CFAP70: variants seen among roughly 807,000 people sequenced by gnomAD.
CFAP70 encodes cilia and flagella associated protein 70.
A neutral mutation model predicts 137.6 loss-of-function variants in CFAP70; 81 were observed. The observed-to-expected ratio is 0.59, with a 90% CI of 0.49 to 0.71. The LOEUF is 0.71. CFAP70 is among the 30% of genes least tolerant of loss of function. The pLI, the probability that CFAP70 is intolerant of heterozygous loss-of-function variation, is 0.00. For synonymous variants in CFAP70, 382 were observed against 423.6 expected (o/e 0.90, Z 1.20); for missense variants, 976 against 1,226.7 (o/e 0.80, Z 3.05).
chr10:73,355,405 C>T (rs1240685069), intron 1 of CFAP70, among the ~76,000 whole-genome samples: 1 of 152,204 alleles, frequency 6.6e-6, no homozygotes, highest in Non-Finnish European at 1.5e-5. Context: ...TCTCCCATCA[C>T]CCCCAGATAG....
intron 15 of CFAP70, chr10:73,294,936 C>A (rs1452588191): frequency 6.6e-6 from 1 of 152,230 alleles, no homozygotes; most frequent in East Asian, 1.9e-4. Flanking sequence ...ATCAATTATC[C>A]CCTCTCTTTC....
exon 6 of CFAP70, chr10:73,341,483 C>A (rs2053247970): frequency 2.5e-6 from 4 of 1,614,058 alleles, no homozygotes; most frequent in African/African-American, 1.3e-5. Context: ...CTCCTGGAGC[C>A]AGAATGTTGG....
intron 12 of CFAP70, among the ~76,000 whole-genome samples, chr10:73,303,938 A>C (rs1257749763): frequency 6.6e-6 from 1 of 152,186 alleles, no homozygotes; most frequent in East Asian, 1.9e-4. Context: ...TTTTTGTTGG[A>C]CAGCTCAGAT....
intron 3 of CFAP70, 130 bp from the exon 4 acceptor site, chr10:73,348,651 C>T (rs2053932513): frequency 1.6e-6 from 1 of 608,340 alleles, no homozygotes; most frequent in African/African-American, 1.8e-5. Context: ...CAGAAGGCAC[C>T]AACATCACTG....
chr10:73,327,070 T>C (rs1332957079), intron 8 of CFAP70, among the ~76,000 whole-genome samples: 5 of 150,640 alleles, frequency 3.3e-5, no homozygotes, highest in African/African-American at 1.2e-4. Flanking sequence ...TTGATGAACA[T>C]TGATGCAAAA....
intron 25 of CFAP70, among the ~76,000 whole-genome samples, chr10:73,257,321 A>G (rs1044634977): frequency 1.2e-4 from 18 of 152,322 alleles, no homozygotes; most frequent in African/African-American, 3.4e-4. Flanking sequence ...AGGTATCAGA[A>G]TTACTTCTAT....
At chr10:73,279,999 T>G (rs928349503) in intron 19 of CFAP70, among the ~76,000 whole-genome samples, 2 of 152,218 alleles carry the variant, frequency 1.3e-5, no homozygotes, top group African/African-American at 4.8e-5. Context: ...CAGGAATGTT[T>G]GAGAGTTCCA....
rs1282368197 is a variant in CFAP70, at chr10:73,264,074, TTC to T, written c.3027+5538_3027+5539del. 3.9e-5 allele frequency among the ~76,000 whole-genome samples: 6 copies of T among 152,286 alleles called. No individual in the cohort carries two copies. In the South Asian group the frequency reaches 1.2e-3, roughly 32 times the overall value. ...GCAGGTGTCCCCACTTCAAGCTAGT[TTC>T]TGTTTGTTTTATTTTTTCCCTATGC... On this transcript the variant is annotated intron_variant, in intron 25 of 26. Transcript: ENST00000310715.
chr10:73,312,021 T>C lies in CFAP70; in HGVS notation c.1084-107A>G, dbSNP rs1589440020. 1.1e-5 allele frequency: 9 copies of C among 830,594 alleles called. No homozygotes were observed. In the East Asian group the frequency reaches 2.2e-4, roughly 21 times the overall value. 51.5% of individuals were successfully genotyped at this position (830,594 alleles called of 1,614,324 possible). A position where few individuals can be genotyped will look rare whatever the true frequency, so the allele number is the denominator to read the frequency against. ...TCAAAATGCAAACTAACTGCAGCCA[T>C]AAAAAAGAATGAGTTTGTGTCCTTT... On this transcript the variant is annotated intron_variant, in intron 10 of 26. Coordinates refer to ENST00000310715, the Ensembl canonical transcript of CFAP70.
exon 14 of CFAP70, chr10:73,299,080 G>T (rs1660368569): frequency 6.2e-7 from 1 of 1,612,256 alleles, no homozygotes; most frequent in Non-Finnish European, 8.5e-7. Flanking sequence ...TTCTTGATCT[G>T]TATGTGGTAG....
intron 2 of CFAP70, 127 bp from the exon 3 acceptor site, chr10:73,353,869 T>C (rs7072462): frequency 0.023 from 18,289 of 779,642 alleles, 1,598 homozygotes; most frequent in African/African-American, 0.23. Flanking sequence ...ACATCACAAA[T>C]ACAAAAGGAA....
At chr10:73,354,680 C>A in intron 2 of CFAP70, 54 bp downstream of exon 2, 1 of 1,480,820 alleles carries the variant, frequency 6.8e-7, no homozygotes. Context: ...TTCCATTCCT[C>A]CTGCAGGTAC....
At position 73,258,047 on chromosome 10, in the gene CFAP70, GTCT is replaced by G. The variant is rs1257261987; in HGVS notation, c.3028-1634_3028-1632del. Among the ~76,000 whole-genome samples the G allele has an allele frequency of 3.3e-5, 5 of 151,942 alleles. No individual in the cohort carries two copies. In the East Asian group the frequency reaches 9.7e-4, roughly 29 times the overall value. On this transcript the variant is annotated intron_variant, in intron 25 of 26. Transcript: ENST00000310715. ...AGCTAGGATTACAGATGTTGTATGT[GTCT>G]TCTTGTATTTTTCTTAGGATTATAT...
chr10:73,331,536 C>T (rs2052084358), intron 7 of CFAP70, among the ~76,000 whole-genome samples: 1 of 151,978 alleles, frequency 6.6e-6, no homozygotes, highest in Admixed American at 6.6e-5. Flanking sequence ...AAAAAATTAG[C>T]TGGGCATGGC....
rs1382209894 is a variant in CFAP70 at position 73,354,791 on chromosome 10, C to T, written c.6G>A (p.Glu2=). The change falls in exon 2 of 27, where the codon GAG becomes GAA. Residue 2 remains glutamate (E), a synonymous_variant. Transcript: ENST00000310715. ...CGAGTCTGCCTGCTGATGGCACTTG[C>T]TCCATATCACCAACTGGGAAAAGTC... is the stretch of plus-strand genomic sequence containing the variant. The T allele has an allele frequency of 3.1e-6, 5 of 1,613,972 alleles. No individual in the cohort carries two copies. In the South Asian group the frequency reaches 5.5e-5, roughly 18 times the overall value.
At chr10:73,311,678 A>G (rs143256648) in intron 11 of CFAP70, among the ~76,000 whole-genome samples, 156 bp downstream of exon 12, 15 of 152,362 alleles carry the variant, frequency 9.8e-5, no homozygotes, top group Non-Finnish European at 2.1e-4. Context: ...AGTTTCAACA[A>G]GACAAAGAAA....
intron 24 of CFAP70, 29 bp downstream of exon 25, chr10:73,272,899 G>A (rs770738777): frequency 4.3e-5 from 66 of 1,540,438 alleles, no homozygotes; most frequent in Non-Finnish European, 5.8e-5. Flanking sequence ...TGTATCCACA[G>A]CCCTAGTCTC....
intron 26 of CFAP70, among the ~76,000 whole-genome samples, chr10:73,255,597 G>C (rs1712552469): frequency 1.3e-5 from 2 of 151,838 alleles, no homozygotes; most frequent in South Asian, 4.2e-4. Flanking sequence ...ACCAGGGGTT[G>C]TTCATGAGCC....
At chr10:73,291,755 G>C (rs2048195809) in exon 18 of CFAP70, 1 of 1,613,928 alleles carries the variant, frequency 6.2e-7, no homozygotes, top group African/African-American at 1.3e-5. Flanking sequence ...ACAGCAACAA[G>C]CTGAGAAAAG....
Sources: allele counts gnomAD v4.1 joint callset (sites outside exome capture counted in the v4.1 genomes callset), GRCh38; gene constraint gnomAD v4.1.1; transcripts MANE v1.5; gene names NCBI Gene and HGNC (gene_info 2026-07-23, HGNC 2026-07-21).